The following ZNF804B variants were observed in gnomAD, a reference collection of about 807,000 sequenced individuals.
ZNF804B encodes zinc finger protein 804B, also known as zinc finger 804B.
ZNF804B carries 80 observed loss-of-function variants against 101.4 expected under a neutral mutation model. The ratio of observed to expected loss-of-function variants is 0.79; its 90% confidence interval spans 0.66 to 0.95. The LOEUF (loss-of-function observed/expected upper bound fraction) is 0.95. ZNF804B is among the 40% of genes least tolerant of loss of function. ZNF804B has a pLI of 0.00. For synonymous variants in ZNF804B, 622 were observed against 558.8 expected, an observed-to-expected ratio of 1.11 and a Z score of -1.59; for missense variants, 1,673 against 1,561.9, an observed-to-expected ratio of 1.07 and a Z score of -1.20.
chr7:88,966,228 G>A (rs926394038), intron 1 of ZNF804B, among the ~76,000 whole-genome samples: 2 of 151,516 alleles, frequency 1.3e-5, no homozygotes, highest in South Asian at 4.2e-4. Flanking sequence ...ACAATATAGT[G>A]TTATGTATAA....
At chr7:89,154,106 C>T (rs1416036837) in intron 1 of ZNF804B, among the ~76,000 whole-genome samples, 2 of 152,044 alleles carry the variant, frequency 1.3e-5, no homozygotes, top group Non-Finnish European at 2.9e-5. Flanking sequence ...AGAAGACATA[C>T]AAATGGCAAA....
chr7:88,875,380 T>C (rs895704957), intron 1 of ZNF804B, among the ~76,000 whole-genome samples: 3 of 152,016 alleles, frequency 2.0e-5, no homozygotes, highest in African/African-American at 4.8e-5. Context: ...AGCTGGTTTT[T>C]TGAAAGGATC....
At chr7:88,880,012 C>T (rs1792009043) in intron 1 of ZNF804B, among the ~76,000 whole-genome samples, 1 of 151,594 alleles carries the variant, frequency 6.6e-6, no homozygotes, top group East Asian at 1.9e-4. Context: ...GCACTCTAGC[C>T]TCTACCCTGG....
intron 1 of ZNF804B, among the ~76,000 whole-genome samples, chr7:88,918,767 G>C (rs1325379638): frequency 6.6e-6 from 1 of 152,034 alleles, no homozygotes; most frequent in East Asian, 1.9e-4. Flanking sequence ...GAGTGGGATT[G>C]GGGGGTGAGG....
At chr7:89,278,287 C>T in intron 2 of ZNF804B, among the ~76,000 whole-genome samples, 1 of 151,500 alleles carries the variant, frequency 6.6e-6, no homozygotes, top group Admixed American at 6.6e-5. Flanking sequence ...AAAATTTCTC[C>T]CATTTTGTAG....
At chr7:88,932,488 A>T (rs184347760) in intron 1 of ZNF804B, among the ~76,000 whole-genome samples, 2 of 152,080 alleles carry the variant, frequency 1.3e-5, no homozygotes, top group African/African-American at 4.8e-5. Flanking sequence ...AACAAAATTC[A>T]TTGACCATTA....
At chr7:88,800,253 T>G (rs1790557261) in intron 1 of ZNF804B, among the ~76,000 whole-genome samples, 1 of 152,050 alleles carries the variant, frequency 6.6e-6, no homozygotes, top group Admixed American at 6.6e-5. Context: ...ACTAGGTATT[T>G]GAACATTTAT....
intron 1 of ZNF804B, among the ~76,000 whole-genome samples, chr7:88,960,058 G>GT (rs1228355900): frequency 2.0e-5 from 3 of 151,408 alleles, no homozygotes; most frequent in South Asian, 4.2e-4. Flanking sequence ...TCTTTAAAAT[G>GT]TTTTTTTAAA....
chr7:89,095,615 C>T (rs1022489603), intron 1 of ZNF804B, among the ~76,000 whole-genome samples: 15 of 152,054 alleles, frequency 9.9e-5, no homozygotes, highest in Non-Finnish European at 4.4e-5. Flanking sequence ...TGAAGGTATA[C>T]ATATATGCAA....
chr7:89,008,119 A>G (rs1000278161), intron 1 of ZNF804B, among the ~76,000 whole-genome samples: 1 of 152,174 alleles, frequency 6.6e-6, no homozygotes, highest in African/African-American at 2.4e-5. Context: ...ATAGTCTATC[A>G]GACAGCTTCT....
intron 2 of ZNF804B, among the ~76,000 whole-genome samples, chr7:89,280,729 C>G (rs569196637): frequency 1.3e-5 from 2 of 152,266 alleles, no homozygotes; most frequent in Non-Finnish European, 2.9e-5. Context: ...TCTGAATAGA[C>G]CAATAACAGT....
intron 1 of ZNF804B, among the ~76,000 whole-genome samples, chr7:89,007,176 C>T (rs2157803): frequency 0.82 from 124,887 of 151,926 alleles, 51,826 homozygotes; most frequent in African/African-American, 0.94. Flanking sequence ...TGAGGAATGA[C>T]GTTTTAAAAT....
chr7:88,979,602 T>G (rs1793666308), intron 1 of ZNF804B, among the ~76,000 whole-genome samples: 1 of 117,634 alleles, frequency 8.5e-6, no homozygotes, highest in Admixed American at 7.6e-5. Flanking sequence ...TTTTTTCTTT[T>G]TCTTTCTTTT....
intron 1 of ZNF804B, among the ~76,000 whole-genome samples, chr7:88,822,295 C>T (rs1790994192): frequency 6.6e-6 from 1 of 152,136 alleles, no homozygotes; most frequent in African/African-American, 2.4e-5. Flanking sequence ...AACATGGATA[C>T]TCAACCTCGA....
At chr7:88,926,946 G>GGGGGGT (rs536407283) in intron 1 of ZNF804B, among the ~76,000 whole-genome samples, 7 of 148,774 alleles carry the variant, frequency 4.7e-5, no homozygotes, top group African/African-American at 1.7e-4. Flanking sequence ...TGGGGAGCGG[G>GGGGGGT]GGGAAAGCTG....
intron 1 of ZNF804B, among the ~76,000 whole-genome samples, chr7:89,049,988 G>A (rs1305278460): frequency 2.6e-5 from 4 of 152,118 alleles, no homozygotes; most frequent in Non-Finnish European, 4.4e-5. Context: ...CTCCAGACTG[G>A]ATGGCAGAGT....
intron 1 of ZNF804B, among the ~76,000 whole-genome samples, chr7:88,868,697 T>A (rs1052621756): frequency 6.6e-6 from 1 of 152,202 alleles, no homozygotes; most frequent in Non-Finnish European, 1.5e-5. Flanking sequence ...CTCAGATGCT[T>A]TACAACATTT....
At chr7:89,011,127 AGAATGAGT>A (rs1788454990) in intron 1 of ZNF804B, among the ~76,000 whole-genome samples, 1 of 5,654 alleles carries the variant, frequency 1.8e-4, no homozygotes, top group South Asian at 3.5e-3. Context: ...GGCAGGAGGG[AGAATGAGT>A]GGAGAATGAG....
intron 1 of ZNF804B, among the ~76,000 whole-genome samples, chr7:88,920,703 T>A (rs537390742): frequency 1.9e-4 from 29 of 152,184 alleles, no homozygotes; most frequent in African/African-American, 6.5e-4. Context: ...ATCACTAGAT[T>A]TTGATGATTT....
Sources: allele counts gnomAD v4.1 joint callset (sites outside exome capture counted in the v4.1 genomes callset), GRCh38; gene constraint gnomAD v4.1.1; transcripts MANE v1.5; gene names NCBI Gene and HGNC (gene_info 2026-07-23, HGNC 2026-07-21).